The following MTCL1 variants were observed in gnomAD, a reference collection of about 807,000 sequenced individuals.
MTCL1 encodes microtubule cross-linking factor 1.
Under a neutral mutation model 141.4 loss-of-function variants are expected in MTCL1, and 79 were observed. The ratio of observed to expected loss-of-function variants is 0.56; its 90% CI spans 0.47 to 0.67. The LOEUF (loss-of-function observed/expected upper bound fraction) is 0.67, where lower values mean the gene tolerates loss of function less well. Ranked by LOEUF, MTCL1 falls within the 30% of genes least tolerant of loss-of-function variation. The probability of loss-of-function intolerance (pLI) is 0.00; values close to 1 mark genes in which losing one functional copy is unlikely to be tolerated. For synonymous variants in MTCL1, 914 were observed against 875.8 expected (o/e 1.04, Z -0.77); for missense variants, 2,177 against 2,113.9 (o/e 1.03, Z -0.59).
At chr18:8,710,863 GTTTTCTT>G (rs1567921117) in intron 1 of MTCL1, among the ~76,000 whole-genome samples, 5 of 48,312 alleles carry the variant, frequency 1.0e-4, no homozygotes, top group African/African-American at 3.8e-4. Context: ...TTTTTAATCT[GTTTTCTT>G]TTTTCTTTTT....
intron 4 of MTCL1, among the ~76,000 whole-genome samples, chr18:8,727,746 T>C (rs867070097): frequency 2.0e-4 from 30 of 152,320 alleles, no homozygotes; most frequent in Middle Eastern, 3.4e-3. Flanking sequence ...GACTCTCTCT[T>C]TTTTAAACTG....
chr18:8,708,229 T>C (rs760994811), intron 1 of MTCL1, among the ~76,000 whole-genome samples: 6 of 152,246 alleles, frequency 3.9e-5, no homozygotes, highest in African/African-American at 7.2e-5. Context: ...TTGAATGATG[T>C]TTATCCAAAT....
Position 8,809,436 on chromosome 18 carries a change from A to G in MTCL1, c.2604+2376A>G, listed in dbSNP as rs1163675414. 1.1e-5 allele frequency: 17 copies of G among 1,534,742 alleles called. No homozygotes were observed. In the East Asian group the frequency reaches 2.2e-4, roughly 20 times the overall value. ...AAAAAGTAATCACACACATCTCTCC[A>G]TTTCCCGTTAGAATTGTTGTGGATA... On this transcript the variant is annotated intron_variant, in intron 11 of 16. Coordinates refer to ENST00000359865, the Ensembl canonical transcript of MTCL1.
chr18:8,733,724 A>G (rs115160280), intron 4 of MTCL1, among the ~76,000 whole-genome samples: 2 of 152,224 alleles, frequency 1.3e-5, no homozygotes, highest in African/African-American at 4.8e-5. Flanking sequence ...CCTGTTAATG[A>G]TTGAGAACCT....
chr18:8,726,476 A>AGC (rs2096213102), intron 4 of MTCL1, among the ~76,000 whole-genome samples: 1 of 112,562 alleles, frequency 8.9e-6, no homozygotes, highest in African/African-American at 3.9e-5. Flanking sequence ...ATAAGAGGAG[A>AGC]GAGAGAGAGA....
chr18:8,830,722 G>A lies in MTCL1; in HGVS notation c.*19-885G>A. The stretch of plus-strand genomic sequence containing the variant: ...TGTCATTCCAGCCAGCGGGCTCCAT[G>A]CTGGGCAACTCAGTTTTCTCATGCC... On this transcript the variant is annotated intron_variant, in intron 16 of 16. Transcript: ENST00000359865. The surrounding 1 kb of genome is among the most constrained non-coding windows in gnomAD (Gnocchi z 6.4). The A allele has an allele frequency of 1.0e-6, 1 of 985,462 alleles. No individual in the cohort carries two copies. Among genetic ancestry groups the A allele is most frequent in the Non-Finnish European group, 1.2e-6 (1 of 829,952 alleles). The allele number at this position is 985,462 out of a possible 1,614,324, so 61.0% of individuals were successfully genotyped here. A position where few individuals can be genotyped will look rare whatever the true frequency, so the allele number is the denominator to read the frequency against.
At chr18:8,812,027 A>C (rs1226999332) in intron 11 of MTCL1, among the ~76,000 whole-genome samples, 2 of 152,206 alleles carry the variant, frequency 1.3e-5, no homozygotes, top group African/African-American at 4.8e-5. Context: ...GTGTATTCCC[A>C]GTTCCTTCCC....
intron 4 of MTCL1, among the ~76,000 whole-genome samples, chr18:8,753,814 C>T (rs2096383862): frequency 6.6e-6 from 1 of 152,146 alleles, no homozygotes. Context: ...ACCCAGCAAG[C>T]TGTGTAGGAG....
At chr18:8,731,523 A>C (rs12953469) in intron 4 of MTCL1, among the ~76,000 whole-genome samples, 2 of 151,590 alleles carry the variant, frequency 1.3e-5, no homozygotes, top group African/African-American at 4.8e-5. Context: ...GCAGTGAGCC[A>C]AGATCGCGTC....
Position 8,784,602 on chromosome 18 carries a change from G to A in MTCL1, c.1490G>A (p.Gly497Asp), listed in dbSNP as rs2096544443. The change falls in exon 6 of 17, where the codon GGC becomes GAC. Residue 497 changes from glycine (G) to aspartate (D), a missense_variant. Physicochemically the swap from Gly to Asp is moderately conservative, Grantham distance 94. Coordinates refer to ENST00000359865, the Ensembl canonical transcript of MTCL1. ...CCCTTACCGGGGCCTGGCCTCCAGG[G>A]CGAAGAGGAGCAGGGTGAGGGGGAC... 1 of 1,612,610 alleles carries A rather than the reference G, an allele frequency of 6.2e-7. No homozygotes were observed. Among genetic ancestry groups the A allele is most frequent in the African/African-American group, 1.3e-5 (1 of 75,054 alleles).
chr18:8,774,777 C>G (rs1314666), intron 4 of MTCL1, among the ~76,000 whole-genome samples: 4 of 152,102 alleles, frequency 2.6e-5, no homozygotes, highest in Non-Finnish European at 5.9e-5. Context: ...CATGAGCCAC[C>G]GCCCCTGGCC....
intron 4 of MTCL1, among the ~76,000 whole-genome samples, chr18:8,759,749 T>C (rs2096420773): frequency 6.6e-6 from 1 of 152,204 alleles, no homozygotes; most frequent in South Asian, 2.1e-4. Context: ...GTTATTATAA[T>C]AGATTTCCTG....
intron 10 of MTCL1, chr18:8,801,948 A>T (rs1008794108): frequency 6.6e-6 from 1 of 152,214 alleles, no homozygotes; most frequent in African/African-American, 2.4e-5. Context: ...TTCCCATGAT[A>T]TTAATAGATT....
In MTCL1 at chr18:8,819,920, C is replaced by T. The variant is rs76920106; in HGVS notation, c.3156+661C>T. 5.8e-3 allele frequency among the ~76,000 whole-genome samples: 877 copies of T among 152,186 alleles called. 10 individuals carry two copies. The highest frequency in any genetic ancestry group is 0.02 in the African/African-American group (843 of 41,524). ...GCTACCACACCCAGCCTCAACTTTTCTTGAAATAATAGTACAGTCTTCTGA... is the reference window on the plus strand; with the variant it reads ...GCTACCACACCCAGCCTCAACTTTTTTTGAAATAATAGTACAGTCTTCTGA... On this transcript the variant is annotated intron_variant, in intron 13 of 16. Transcript: ENST00000359865.
In MTCL1 at chr18:8,807,034, G is replaced by T. The variant is rs201487723; in HGVS notation, c.2578G>T (p.Ala860Ser). The stretch of plus-strand genomic sequence containing the variant: ...CAAGGCGGCCTGGGACGTGGAGTGG[G>T]CCGTGCTCAAGTGCCGTCTGGAACA... Residue 860 changes from alanine (A) to serine (S), a missense_variant, in exon 11 of 17, where the codon GCC becomes TCC. Ala to Ser is a moderately conservative substitution (Grantham distance 99, BLOSUM62 1). Coordinates refer to ENST00000359865, the Ensembl canonical transcript of MTCL1. The T allele has an allele frequency of 7.3e-5, 118 of 1,613,586 alleles. No homozygotes were observed. In the African/African-American group the frequency reaches 9.9e-4, roughly 13 times the overall value.
chr18:8,786,117 C>CCCCCT, intron 7 of MTCL1, 26 bp downstream of exon 6: 1 of 1,394,762 alleles, frequency 7.2e-7, no homozygotes, highest in Non-Finnish European at 9.4e-7. Context: ...CAATCCCCCC[C>CCCCCT]CCCCGCCCTC....
At chr18:8,816,909 C>T (rs1420814431) in intron 12 of MTCL1, among the ~76,000 whole-genome samples, 1 of 152,194 alleles carries the variant, frequency 6.6e-6, no homozygotes, top group Non-Finnish European at 1.5e-5. Flanking sequence ...TCTGAGGACT[C>T]GTTCTATTAC....
chr18:8,755,186 A>G (rs1361800428), intron 4 of MTCL1, among the ~76,000 whole-genome samples: 2 of 152,200 alleles, frequency 1.3e-5, no homozygotes, highest in African/African-American at 4.8e-5. Flanking sequence ...AGCGCCACCA[A>G]AGGACTTGCC....
At chr18:8,728,605 C>T (rs1352429606) in intron 4 of MTCL1, among the ~76,000 whole-genome samples, 1 of 151,724 alleles carries the variant, frequency 6.6e-6, no homozygotes, top group Non-Finnish European at 1.5e-5. Context: ...GGAGAATTCT[C>T]ACTCCGAATA....
Sources: allele counts gnomAD v4.1 joint callset (sites outside exome capture counted in the v4.1 genomes callset), GRCh38; gene constraint gnomAD v4.1.1; non-coding constraint Gnocchi (gnomAD v3.1); transcripts MANE v1.5; gene names NCBI Gene and HGNC (gene_info 2026-07-23, HGNC 2026-07-21).